The following CA5B variants were observed in gnomAD, a reference collection of about 807,000 sequenced individuals.
CA5B encodes the protein carbonic anhydrase 5B, mitochondrial.
A neutral mutation model predicts 23.1 loss-of-function variants in CA5B; 15 were observed. The ratio of observed to expected loss-of-function variants is 0.65; its 90% CI spans 0.43 to 1.00. The LOEUF is 1.00. Ranked by LOEUF, CA5B falls within the 50% of genes least tolerant of loss-of-function variation. CA5B has a pLI of 0.00. For missense variants in CA5B, 236 were observed against 252.2 expected (o/e 0.94, Z 0.43); for synonymous variants, 84 against 98.5 (o/e 0.85, Z 0.87).
At chrX:15,767,572 T>G (rs1442344636) in intron 3 of CA5B, among the ~76,000 whole-genome samples, 1 of 109,539 alleles carries the variant, frequency 9.1e-6, no homozygotes, top group African/African-American at 3.3e-5. Flanking sequence ...CGGCTAATTT[T>G]TTTGTTTGTT....
chrX:15,762,104 C>A (rs982301174), intron 2 of CA5B, among the ~76,000 whole-genome samples: 9 of 110,464 alleles, frequency 8.1e-5, no homozygotes, highest in Non-Finnish European at 1.7e-4. Context: ...CCCATCTCTA[C>A]TAAAAATACA....
chrX:15,781,199 A>T (rs1177457198), intron 7 of CA5B, among the ~76,000 whole-genome samples: 1 of 110,221 alleles, frequency 9.1e-6, no homozygotes, highest in African/African-American at 3.3e-5. Context: ...CTGGTCTCGA[A>T]CTTCTGACCT....
At chrX:15,761,629 A>G (rs772697587) in intron 2 of CA5B, among the ~76,000 whole-genome samples, 19 of 112,315 alleles carry the variant, frequency 1.7e-4, no homozygotes, top group Non-Finnish European at 3.4e-4. Context: ...AGAAAAGAGT[A>G]TTATGAGTTT....
intron 7 of CA5B, 140 bp downstream of exon 7, chrX:15,777,009 A>C: frequency 2.2e-6 from 1 of 462,233 alleles, no homozygotes; most frequent in Non-Finnish European, 3.5e-6. Context: ...GTCTTGTCTC[A>C]GTTTGGACAT....
intron 1 of CA5B, among the ~76,000 whole-genome samples, chrX:15,739,934 AT>A (rs1030664841): frequency 4.5e-5 from 5 of 111,265 alleles, no homozygotes; most frequent in African/African-American, 1.6e-4. Context: ...AAATGAAGGA[AT>A]TTTTTTCCAA....
intron 3 of CA5B, chrX:15,765,392 A>G: frequency 7.7e-6 from 1 of 129,130 alleles, no homozygotes; most frequent in Non-Finnish European, 1.5e-5. Flanking sequence ...ACCTTCCTGG[A>G]TGTAAACTAA....
intron 1 of CA5B, among the ~76,000 whole-genome samples, chrX:15,744,140 T>A (rs767527143): frequency 8.9e-6 from 1 of 112,710 alleles, no homozygotes; most frequent in East Asian, 2.8e-4. Flanking sequence ...AGGCCAGGCG[T>A]CATTGGCCTC....
chrX:15,772,682 TAA>T (rs1364004274), intron 4 of CA5B, 68 bp downstream of exon 4: 1 of 583,998 alleles, frequency 1.7e-6, no homozygotes, highest in African/African-American at 2.3e-5. Flanking sequence ...CTTTTAGTTG[TAA>T]GACATTATTA....
intron 7 of CA5B, among the ~76,000 whole-genome samples, chrX:15,782,055 T>G (rs1460153585): frequency 8.9e-6 from 1 of 112,968 alleles, no homozygotes; most frequent in Non-Finnish European, 1.9e-5. Context: ...TTAAATTGTT[T>G]TATAAACCCA....
intron 7 of CA5B, among the ~76,000 whole-genome samples, chrX:15,778,893 C>T (rs912694334): frequency 9.0e-6 from 1 of 110,527 alleles, no homozygotes; most frequent in Non-Finnish European, 1.9e-5. Context: ...TACAATTCGA[C>T]GTGAGATTTG....
At chrX:15,757,050 G>A (rs1335776365) in intron 2 of CA5B, among the ~76,000 whole-genome samples, 4 of 78,774 alleles carry the variant, frequency 5.1e-5, no homozygotes, top group African/African-American at 1.3e-4. Context: ...GTGAGACTCC[G>A]TCTCAAAAAA....
Position 15,782,884 on chromosome X carries a change from T to TAA in CA5B, c.*220_*221insAA. 1 of 332,126 alleles carries TAA rather than the reference T, an allele frequency of 3.0e-6. No homozygotes were observed. The highest frequency in any genetic ancestry group is 5.2e-6 in the Non-Finnish European group (1 of 192,973). The allele number at this position is 332,126 out of a possible 1,213,427, so 27.4% of individuals were successfully genotyped here. On this transcript the variant is annotated 3_prime_UTR_variant, in exon 8 of 8. Coordinates refer to ENST00000318636, the MANE Select transcript of CA5B (RefSeq NM_007220.4). ...ACCTGTTGGTAATTGTAATGCCTTT[T>TAA]TTTTTTCTTTAAGAGACTAGGTCTT...
At chrX:15,741,819 C>T (rs1356149840) in intron 1 of CA5B, among the ~76,000 whole-genome samples, 2 of 111,552 alleles carry the variant, frequency 1.8e-5, no homozygotes, top group African/African-American at 6.5e-5. Context: ...CCTCGTCTTA[C>T]TGCTAGCATC....
intron 2 of CA5B, among the ~76,000 whole-genome samples, chrX:15,753,819 G>T (rs1182901316): frequency 2.7e-5 from 3 of 112,335 alleles, no homozygotes; most frequent in Non-Finnish European, 5.6e-5. Context: ...TGAGGCAAAA[G>T]AATCACTTGA....
At chrX:15,776,202 G>A (rs750719719) in intron 6 of CA5B, 3 of 138,229 alleles carry the variant, frequency 2.2e-5, no homozygotes, top group East Asian at 5.6e-4. Flanking sequence ...CGCCGGGCAT[G>A]GTGGCGGGCG....
intron 7 of CA5B, among the ~76,000 whole-genome samples, chrX:15,780,981 CTT>C (rs540005812): frequency 3.6e-4 from 36 of 100,400 alleles, no homozygotes; most frequent in African/African-American, 8.0e-4. Flanking sequence ...ATTTTGTTTT[CTT>C]TTTTTTTTTT....
At chrX:15,743,442 TAA>T (rs1931162211) in intron 1 of CA5B, among the ~76,000 whole-genome samples, 3 of 112,454 alleles carry the variant, frequency 2.7e-5, no homozygotes, top group Admixed American at 9.4e-5. Flanking sequence ...GTGAGCTCCA[TAA>T]GGGTAAGGGC....
intron 1 of CA5B, among the ~76,000 whole-genome samples, chrX:15,747,842 C>T (rs1217403814): frequency 1.8e-5 from 2 of 110,994 alleles, no homozygotes; most frequent in African/African-American, 3.3e-5. Context: ...AGAAGATTAA[C>T]GACAGGGACA....
intron 3 of CA5B, among the ~76,000 whole-genome samples, chrX:15,768,165 G>A (rs1012604775): frequency 9.1e-6 from 1 of 110,133 alleles, no homozygotes; most frequent in Non-Finnish European, 1.9e-5. Flanking sequence ...CCAAAGTGCT[G>A]AGATTATAGG....
Sources: gnomAD v4.1 joint callset for allele counts (sites outside exome capture counted in the v4.1 genomes callset) on GRCh38, gnomAD v4.1.1 for gene constraint, MANE v1.5 for transcripts, NCBI Gene and HGNC (gene_info 2026-07-23, HGNC 2026-07-21) for gene names.